The following ROBO1 variants were observed in gnomAD, a reference collection of about 807,000 sequenced individuals.
ROBO1 encodes the protein roundabout guidance receptor 1.
ROBO1 carries 149 observed loss-of-function variants against 195.9 expected under a neutral mutation model. The observed-to-expected ratio is 0.76, with a 90% confidence interval of 0.67 to 0.87. ROBO1 has a LOEUF of 0.87. Ranked by LOEUF, ROBO1 falls within the 40% of genes least tolerant of loss-of-function variation. The pLI is 0.00. For missense variants in ROBO1, 1,933 were observed against 2,068.3 expected, an observed-to-expected ratio of 0.93 and a Z score of 1.27; for synonymous variants, 816 against 733.2, an observed-to-expected ratio of 1.11 and a Z score of -1.82.
intron 2 of ROBO1, among the ~76,000 whole-genome samples, chr3:79,300,844 G>T (rs560061118): frequency 6.6e-6 from 1 of 152,110 alleles, no homozygotes; most frequent in Non-Finnish European, 1.5e-5. Flanking sequence ...AGCTACTCAG[G>T]TGGGGCCTTG....
intron 19 of ROBO1, among the ~76,000 whole-genome samples, chr3:78,648,556 C>T (rs1169090347): frequency 6.6e-6 from 1 of 151,884 alleles, no homozygotes; most frequent in Non-Finnish European, 1.5e-5. Context: ...CCCCACTTTT[C>T]CTATCTTCTC....
chr3:79,450,642 T>C (rs1356714193), intron 2 of ROBO1, among the ~76,000 whole-genome samples: 1 of 152,078 alleles, frequency 6.6e-6, no homozygotes, highest in East Asian at 1.9e-4. Context: ...TTGTTTCTGT[T>C]ATGAAAATGC....
chr3:79,259,384 C>T (rs1254390894), intron 2 of ROBO1, among the ~76,000 whole-genome samples: 2 of 152,070 alleles, frequency 1.3e-5, no homozygotes, highest in East Asian at 3.9e-4. Flanking sequence ...AAGTTATCTG[C>T]CCATCTCGGC....
At chr3:79,653,537 T>G (rs79531390) in intron 1 of ROBO1, among the ~76,000 whole-genome samples, 1 of 152,026 alleles carries the variant, frequency 6.6e-6, no homozygotes, top group Non-Finnish European at 1.5e-5. Context: ...AAGAACCATA[T>G]GAAAGAAATA....
intron 3 of ROBO1, among the ~76,000 whole-genome samples, chr3:78,944,389 T>C (rs1261265733): frequency 3.9e-5 from 6 of 152,198 alleles, no homozygotes; most frequent in Non-Finnish European, 8.8e-5. Context: ...CTCTGCCATG[T>C]GAGGACACAG....
chr3:78,846,085 C>T (rs1480688), intron 4 of ROBO1, among the ~76,000 whole-genome samples: 47,080 of 151,592 alleles, frequency 0.31, 7,915 homozygotes, highest in South Asian at 0.49. Flanking sequence ...TGAGGCTTCT[C>T]GCCACTAAAC....
intron 3 of ROBO1, among the ~76,000 whole-genome samples, chr3:79,025,878 T>A (rs1213327173): frequency 6.6e-6 from 1 of 152,132 alleles, no homozygotes. Flanking sequence ...CCCAGAAGAC[T>A]CCTTTAGTTA....
chr3:79,335,933 A>T (rs1215802026), intron 2 of ROBO1, among the ~76,000 whole-genome samples: 1 of 152,206 alleles, frequency 6.6e-6, no homozygotes, highest in Non-Finnish European at 1.5e-5. Context: ...GAAGCTGAGG[A>T]ACTTCTTGGG....
chr3:79,140,177 T>G (rs2080495814), intron 2 of ROBO1, among the ~76,000 whole-genome samples: 2 of 152,264 alleles, frequency 1.3e-5, no homozygotes, highest in African/African-American at 4.8e-5. Flanking sequence ...ATATGTAAAT[T>G]TATTGCCACT....
At chr3:79,539,705 GTA>G (rs1941995791) in intron 2 of ROBO1, among the ~76,000 whole-genome samples, 1 of 152,046 alleles carries the variant, frequency 6.6e-6, no homozygotes, top group Non-Finnish European at 1.5e-5. Context: ...TAGAATTTGT[GTA>G]GAGTATCACA....
chr3:79,614,933 T>C (rs1409041374), intron 1 of ROBO1, among the ~76,000 whole-genome samples: 1 of 151,918 alleles, frequency 6.6e-6, no homozygotes, highest in African/African-American at 2.4e-5. Flanking sequence ...ATGTGGAAAA[T>C]TCACATTGTA....
chr3:79,697,240 T>C (rs1326414875), intron 1 of ROBO1, among the ~76,000 whole-genome samples: 1 of 151,414 alleles, frequency 6.6e-6, no homozygotes, highest in Non-Finnish European at 1.5e-5. Context: ...TAAGAGAAAG[T>C]TTGGAAGAGT....
intron 2 of ROBO1, among the ~76,000 whole-genome samples, chr3:79,139,745 C>T (rs1165046226): frequency 2.0e-5 from 3 of 152,134 alleles, no homozygotes; most frequent in East Asian, 1.9e-4. Flanking sequence ...TGGCTCTCTC[C>T]GTCTGTTGAC....
At chr3:78,943,504 C>T (rs1363274094) in intron 3 of ROBO1, among the ~76,000 whole-genome samples, 1 of 152,112 alleles carries the variant, frequency 6.6e-6, no homozygotes, top group Non-Finnish European at 1.5e-5. Context: ...TTATTAAACG[C>T]TAAATTTCTC....
chr3:79,242,118 T>C (rs993151176), intron 2 of ROBO1, among the ~76,000 whole-genome samples: 37 of 152,000 alleles, frequency 2.4e-4, no homozygotes, highest in African/African-American at 8.0e-4. Flanking sequence ...GACTGGAATG[T>C]GAACATAAGG....
At chr3:79,114,061 G>A (rs1381850242) in intron 3 of ROBO1, among the ~76,000 whole-genome samples, 1 of 152,094 alleles carries the variant, frequency 6.6e-6, no homozygotes, top group African/African-American at 2.4e-5. Flanking sequence ...TTATAAATGG[G>A]AGTTCCCCTG....
intron 8 of ROBO1, among the ~76,000 whole-genome samples, chr3:78,692,100 T>G (rs1374156861): frequency 1.3e-5 from 2 of 151,800 alleles, no homozygotes; most frequent in Non-Finnish European, 2.9e-5. Flanking sequence ...TGTGCTTTTA[T>G]ATCTTCATTA....
At chr3:79,370,569 A>T (rs1292603490) in intron 2 of ROBO1, among the ~76,000 whole-genome samples, 1 of 151,824 alleles carries the variant, frequency 6.6e-6, no homozygotes, top group Non-Finnish European at 1.5e-5. Flanking sequence ...ATTGATATTC[A>T]TGTCTTGTAC....
chr3:78,963,224 C>G (rs987557533), intron 3 of ROBO1, among the ~76,000 whole-genome samples: 14 of 151,976 alleles, frequency 9.2e-5, no homozygotes, highest in Middle Eastern at 6.9e-3. Context: ...TTAGAGTTTT[C>G]AAGTTGAGAG....
Sources: gnomAD v4.1 joint callset for allele counts (sites outside exome capture counted in the v4.1 genomes callset) on GRCh38, gnomAD v4.1.1 for gene constraint, MANE v1.5 for transcripts, NCBI Gene and HGNC (gene_info 2026-07-23, HGNC 2026-07-21) for gene names.